Variants in OR2L2 observed in about 807,000 individuals in gnomAD.
OR2L2 encodes olfactory receptor 2L2.
For missense variants in OR2L2, 378 were observed against 375.2 expected (o/e 1.01, Z -0.06); for synonymous variants, 156 against 135.4 (o/e 1.15, Z -1.06).
In OR2L2 at chr1:248,040,633, C is replaced by A. The variant is rs191921883; in HGVS notation, c.*1427C>A. On this transcript the variant is annotated 3_prime_UTR_variant, in exon 3 of 3. Coordinates refer to ENST00000641771, the MANE Select transcript of OR2L2 (RefSeq NM_001385855.1). ...CTGATGATTTTCTCAATAAGATATT[C>A]TTTTTTAGCTCACTTTACTGTAAGA... The A allele has an allele frequency of 6.6e-6, 1 of 152,218 alleles. No homozygotes were observed. The highest frequency in any genetic ancestry group is 1.9e-4 in the East Asian group (1 of 5,180). The allele number at this position is 152,218 out of a possible 1,614,324, so 9.4% of individuals were successfully genotyped here. A position where few individuals can be genotyped will look rare whatever the true frequency, so the allele number is the denominator to read the frequency against.
chr1:248,033,137 G>C (rs917422591), intron 1 of OR2L2, among the ~76,000 whole-genome samples: 1 of 152,036 alleles, frequency 6.6e-6, no homozygotes, highest in Non-Finnish European at 1.5e-5. Flanking sequence ...ATCATAAATC[G>C]AGAAGCCTCT....
At position 248,041,238 on chromosome 1, in the gene OR2L2, G is replaced by T. The variant is rs1280291208; in HGVS notation, c.*2032G>T. The T allele has an allele frequency of 1.3e-5, 2 of 152,090 alleles. No individual in the cohort carries two copies. Among genetic ancestry groups the T allele is most frequent in the Non-Finnish European group, 2.9e-5 (2 of 68,000 alleles). 9.4% of individuals were successfully genotyped at this position (152,090 alleles called of 1,614,324 possible). On this transcript the variant is annotated 3_prime_UTR_variant, in exon 3 of 3. Transcript: ENST00000641771. ...CAACTATCTGATCTTTGACAAACCT[G>T]AGAAAAACAAGCAATGGGGAAAGGA...
At chr1:248,031,550 T>A (rs1007250950) in intron 1 of OR2L2, among the ~76,000 whole-genome samples, 1 of 152,072 alleles carries the variant, frequency 6.6e-6, no homozygotes, top group Non-Finnish European at 1.5e-5. Flanking sequence ...GGAGATGGGG[T>A]CCAGTGACTT....
rs547871069 is a variant in OR2L2 at position 248,031,965 on chromosome 1, G to T, written c.-97+1730G>T. ...TAACTCTCATGGAAAGTTTGTCATC[G>T]ACTGCCCTATATAAAATACAAATAA... On this transcript the variant is annotated intron_variant, in intron 1 of 2. Transcript: ENST00000641771. 5.3e-5 allele frequency among the ~76,000 whole-genome samples: 8 copies of T among 151,808 alleles called. No homozygotes were observed. In the South Asian group the frequency reaches 1.7e-3, roughly 32 times the overall value.
rs73141398 is a variant in OR2L2 at position 248,038,981 on chromosome 1, A to G, written c.714A>G (p.Ser238=). The G allele has an allele frequency of 0.01, 16,698 of 1,613,948 alleles. 1,338 individuals are homozygous for G. In the African/African-American group the frequency reaches 0.19, roughly 18 times the overall value. ...HSAEGRKKAY[S]TCSTHLTVVS... is the part of the protein sequence containing the mutation. ...CAGAAGGGAGGAAGAAGGCCTATTC[A>G]ACCTGTAGCACCCACCTCACTGTAG... The change falls in exon 3 of 3, where the codon TCA becomes TCG. Residue 238 remains serine, a synonymous_variant. Coordinates refer to ENST00000641771, the MANE Select transcript of OR2L2 (RefSeq NM_001385855.1).
intron 1 of OR2L2, among the ~76,000 whole-genome samples, chr1:248,034,254 A>G (rs995746724): frequency 1.3e-5 from 2 of 152,182 alleles, no homozygotes; most frequent in African/African-American, 2.4e-5. Flanking sequence ...TACAAATTCA[A>G]TGTAATTCCC....
At chr1:248,037,065 G>A (rs1323005102) in intron 2 of OR2L2, among the ~76,000 whole-genome samples, 1 of 152,228 alleles carries the variant, frequency 6.6e-6, no homozygotes, top group Admixed American at 6.5e-5. Context: ...ATTAACTTGA[G>A]AATTCAGAAA....
At position 248,039,814 on chromosome 1, in the gene OR2L2, T is replaced by C. The variant is rs1470330791; in HGVS notation, c.*608T>C. Reference sequence around the variant, plus strand: ...TGAATATTAAATAGTTTTTATTTACTCTCAACTGGTATGTATGTCTTCTTC... The same window carrying C: ...TGAATATTAAATAGTTTTTATTTACCCTCAACTGGTATGTATGTCTTCTTC... On this transcript the variant is annotated 3_prime_UTR_variant, in exon 3 of 3. Coordinates refer to ENST00000641771, the MANE Select transcript of OR2L2 (RefSeq NM_001385855.1). 6.6e-6 allele frequency: 1 copy of C among 152,232 alleles called. No individual in the cohort carries two copies. Among genetic ancestry groups the C allele is most frequent in the Non-Finnish European group, 1.5e-5 (1 of 68,046 alleles). 9.4% of individuals were successfully genotyped at this position (152,232 alleles called of 1,614,324 possible).
Position 248,040,982 on chromosome 1 carries a change from T to A in OR2L2, c.*1776T>A, listed in dbSNP as rs960071350. The A allele has an allele frequency of 6.6e-6, 1 of 152,222 alleles. No homozygotes were observed. Among genetic ancestry groups the A allele is most frequent in the African/African-American group, 2.4e-5 (1 of 41,460 alleles). 9.4% of individuals were successfully genotyped at this position (152,222 alleles called of 1,614,324 possible). ...ATAATTTAAATTTTGACTTATAGAATGGCAAATGTTTATGACTTTCTTCTC... is the reference window on the plus strand; with the variant it reads ...ATAATTTAAATTTTGACTTATAGAAAGGCAAATGTTTATGACTTTCTTCTC... On this transcript the variant is annotated 3_prime_UTR_variant, in exon 3 of 3. Transcript: ENST00000641771.
chr1:248,037,558 G>T (rs1341215488), intron 2 of OR2L2, among the ~76,000 whole-genome samples: 4 of 152,068 alleles, frequency 2.6e-5, no homozygotes, highest in African/African-American at 7.2e-5. Flanking sequence ...AAAAACTTTG[G>T]TTATAAATAT....
At chr1:248,034,642 A>C (rs779143180) in intron 1 of OR2L2, among the ~76,000 whole-genome samples, 1 of 152,040 alleles carries the variant, frequency 6.6e-6, no homozygotes, top group Non-Finnish European at 1.5e-5. Flanking sequence ...GTCTTCTTTG[A>C]TTGTTCTAAT....
intron 1 of OR2L2, among the ~76,000 whole-genome samples, chr1:248,033,833 G>C (rs1215970512): frequency 1.3e-5 from 2 of 152,040 alleles, no homozygotes; most frequent in Admixed American, 6.6e-5. Context: ...AAAAATTCAA[G>C]GATGCTCACT....
chr1:248,041,040 A>C lies in OR2L2; in HGVS notation c.*1834A>C, dbSNP rs1662936320. The stretch of plus-strand genomic sequence containing the variant: ...TTAAATTAAGTAGAATTTTCTCATC[A>C]TTAGGACTGTATGAGAATGTCATAA... On this transcript the variant is annotated 3_prime_UTR_variant, in exon 3 of 3. Transcript: ENST00000641771. The C allele has an allele frequency of 6.6e-6, 1 of 152,166 alleles. No homozygotes were observed. Among genetic ancestry groups the C allele is most frequent in the Non-Finnish European group, 1.5e-5 (1 of 68,028 alleles). The allele number at this position is 152,166 out of a possible 1,614,324, so 9.4% of individuals were successfully genotyped here.
chr1:248,030,903 T>C lies in OR2L2; in HGVS notation c.-97+668T>C, dbSNP rs549284464. On this transcript the variant is annotated intron_variant, in intron 1 of 2. Coordinates refer to ENST00000641771, the MANE Select transcript of OR2L2 (RefSeq NM_001385855.1). ...GTAGGACATCACTGGGGTTGAAGGC[T>C]GGTTTTTCTACTTGTGATGAAAATA... 6.0e-4 allele frequency among the ~76,000 whole-genome samples: 92 copies of C among 152,316 alleles called. No homozygotes were observed. The South Asian group carries it at 0.019, about 31-fold the overall frequency.
chr1:248,038,219 C>T, intron 2 of OR2L2, 28 bp from the exon 3 acceptor site: 11 of 1,318,274 alleles, frequency 8.3e-6, no homozygotes, highest in Non-Finnish European at 1.2e-5. Flanking sequence ...AATTACTGTT[C>T]TTAATTTACC....
chr1:248,033,306 G>T (rs964728192), intron 1 of OR2L2, among the ~76,000 whole-genome samples: 27 of 152,226 alleles, frequency 1.8e-4, no homozygotes, highest in African/African-American at 6.3e-4. Context: ...TAGATATCTA[G>T]TTTTTCAAAC....
rs1662929852 is a variant in OR2L2, at chr1:248,040,829, A to G, written c.*1623A>G. 1 of 152,154 alleles carries G rather than the reference A, an allele frequency of 6.6e-6. No individual in the cohort carries two copies. Among genetic ancestry groups the G allele is most frequent in the Admixed American group, 6.5e-5 (1 of 15,276 alleles). 9.4% of individuals were successfully genotyped at this position (152,154 alleles called of 1,614,324 possible). A position where few individuals can be genotyped will look rare whatever the true frequency, so the allele number is the denominator to read the frequency against. ...GTGACCCTAATTTCCGCGTTGTCCT[A>G]GAGTCATCTGTACTACAATTGGAAT... On this transcript the variant is annotated 3_prime_UTR_variant, in exon 3 of 3. Transcript: ENST00000641771.
Position 248,038,937 on chromosome 1 carries a change from G to T in OR2L2, c.670G>T (p.Val224Phe), listed in dbSNP as rs1315630536. 6.2e-7 allele frequency: 1 copy of T among 1,614,058 alleles called. No homozygotes were observed. Among genetic ancestry groups the T allele is most frequent in the South Asian group, 1.1e-5 (1 of 91,072 alleles). ...TTCCTATGGCCGGGTTCTCCTTGCT[G>T]TCTACCGCATGCACTCTGCAGAAGG... ...ACSYGRVLLA[V>F]YRMHSAEGRK... The change falls in exon 3 of 3, where the codon GTC becomes TTC. Residue 224 changes from valine to phenylalanine, a missense_variant. Val to Phe is a conservative substitution (Grantham distance 50). Transcript: ENST00000641771.
rs761132968 is a variant in OR2L2, at chr1:248,039,019, A to G, written c.752A>G (p.Tyr251Cys). 3.7e-6 allele frequency: 6 copies of G among 1,613,956 alleles called. No homozygotes were observed. The highest frequency in any genetic ancestry group is 3.3e-5 in the South Asian group (3 of 91,092). Reference sequence around the variant, plus strand: ...CACCTCACTGTAGTGTCCTTCTACTATGCACCCTTTGCTTATACCTATGTA... The same window carrying G: ...CACCTCACTGTAGTGTCCTTCTACTGTGCACCCTTTGCTTATACCTATGTA... Reference protein sequence around the residue: ...STHLTVVSFYYAPFAYTYVRP... With the variant: ...STHLTVVSFYCAPFAYTYVRP... Residue 251 changes from tyrosine (Y) to cysteine (C), a missense_variant, in exon 3 of 3, where the codon TAT becomes TGT. Physicochemically the swap from Tyr to Cys is radical, Grantham distance 194. Coordinates refer to ENST00000641771, the MANE Select transcript of OR2L2 (RefSeq NM_001385855.1).
Sources: allele counts gnomAD v4.1 joint callset (sites outside exome capture counted in the v4.1 genomes callset), GRCh38; gene constraint gnomAD v4.1.1; transcripts MANE v1.5; gene names NCBI Gene and HGNC (gene_info 2026-07-23, HGNC 2026-07-21).